The following RAPGEF5 variants were observed in gnomAD, a reference collection of about 807,000 sequenced individuals.
The protein encoded by RAPGEF5 is Rap guanine nucleotide exchange factor 5.
In RAPGEF5, 65 loss-of-function variants were observed where a neutral mutation model predicts 125.2. That is an observed-to-expected ratio of 0.52 (90% CI 0.43 to 0.64). The LOEUF (loss-of-function observed/expected upper bound fraction) is 0.64. Ranked by LOEUF, RAPGEF5 falls within the 30% of genes least tolerant of loss-of-function variation. The pLI is 0.00. For missense variants in RAPGEF5, 958 were observed against 1,048.1 expected (o/e 0.91, Z 1.19); for synonymous variants, 391 against 385.9 (o/e 1.01, Z -0.16).
chr7:22,154,367 C>T, intron 17 of RAPGEF5, 88 bp downstream of exon 17: 3 of 1,445,826 alleles, frequency 2.1e-6, no homozygotes, highest in Non-Finnish European at 1.9e-6. Flanking sequence ...AAGGGAGGAG[C>T]TGCACTTTTA....
At chr7:22,137,112 T>C in intron 21 of RAPGEF5, 129 bp from the exon 22 acceptor site, 1 of 678,516 alleles carries the variant, frequency 1.5e-6, no homozygotes, top group Non-Finnish European at 2.5e-6. Context: ...CTATCATCTG[T>C]TCAATCCTGA....
chr7:22,221,382 A>G (rs746636469), intron 8 of RAPGEF5, among the ~76,000 whole-genome samples: 6 of 152,208 alleles, frequency 3.9e-5, no homozygotes, highest in Non-Finnish European at 7.3e-5. Context: ...AGCAATGGAA[A>G]CTAGGCCTAT....
At chr7:22,157,742 T>G in intron 15 of RAPGEF5, 113 bp downstream of exon 15, 1 of 1,209,276 alleles carries the variant, frequency 8.3e-7, no homozygotes, top group Non-Finnish European at 1.2e-6. Flanking sequence ...CGCCCCGCCT[T>G]GTCGTGTTCT....
rs75603959 is a variant in RAPGEF5 at position 22,184,696 on chromosome 7, T to G, written c.1204+8671A>C. Among the ~76,000 whole-genome samples, 1,400 of 152,316 alleles carry G rather than the reference T, an allele frequency of 9.2e-3. 26 individuals are homozygous for G. The highest frequency in any genetic ancestry group is 0.032 in the African/African-American group (1,349 of 41,578). On this transcript the variant is annotated intron_variant, in intron 11 of 25. Transcript: ENST00000665637. ...ATGCTTCAGCTGGGTCTCACTTCAC[T>G]TCACCTTGCTTCATTAACAACAAGG... is the stretch of plus-strand genomic sequence containing the variant.
At chr7:22,179,988 C>T (rs564906308) in intron 11 of RAPGEF5, among the ~76,000 whole-genome samples, 1 of 152,262 alleles carries the variant, frequency 6.6e-6, no homozygotes, top group East Asian at 1.9e-4. Context: ...GCCATTCTTT[C>T]GTTTCTCTAC....
chr7:22,171,152 T>C (rs982331381), intron 11 of RAPGEF5, among the ~76,000 whole-genome samples: 1 of 152,158 alleles, frequency 6.6e-6, no homozygotes, highest in African/African-American at 2.4e-5. Flanking sequence ...AAAAAGAGGC[T>C]GTCCCATTGG....
At chr7:22,333,978 C>T (rs944631226) in intron 1 of RAPGEF5, among the ~76,000 whole-genome samples, 7 of 147,772 alleles carry the variant, frequency 4.7e-5, no homozygotes, top group African/African-American at 1.8e-4. Flanking sequence ...GAGTCGGCTG[C>T]GCCGTTGTGC....
intron 1 of RAPGEF5, 74 bp from the exon 2 acceptor site, chr7:22,318,111 A>C: frequency 1.4e-6 from 2 of 1,443,158 alleles, no homozygotes; most frequent in Non-Finnish European, 9.2e-7. Context: ...AACATAAGCA[A>C]CAGTGGCCAG....
In RAPGEF5 at chr7:22,119,664, C is replaced by T. The variant is rs1239409947; in HGVS notation, c.*2742G>A. On this transcript the variant is annotated 3_prime_UTR_variant, in exon 26 of 26. Transcript: ENST00000665637. The surrounding 1 kb of genome is among the most constrained non-coding windows in gnomAD (Gnocchi z 4.1). ...GAGTTGTGCTGTAACAAAAAGAGCCCACTTAGAAGTGCCCCTGCACCACCT... is the reference window on the plus strand; with the variant it reads ...GAGTTGTGCTGTAACAAAAAGAGCCTACTTAGAAGTGCCCCTGCACCACCT... The T allele has an allele frequency of 2.0e-5, 3 of 152,182 alleles. No homozygotes were observed. The highest frequency in any genetic ancestry group is 7.2e-5 in the African/African-American group (3 of 41,432). The allele number at this position is 152,182 out of a possible 1,614,324, so 9.4% of individuals were successfully genotyped here.
chr7:22,205,592 G>T (rs1264060395), intron 9 of RAPGEF5, among the ~76,000 whole-genome samples: 2 of 152,178 alleles, frequency 1.3e-5, no homozygotes, highest in African/African-American at 4.8e-5. Context: ...ACAAAAATCT[G>T]CATGTTTTAA....
At position 22,263,766 on chromosome 7, in the gene RAPGEF5, A is replaced by G. The variant is rs139219853; in HGVS notation, c.796+3198T>C. The stretch of plus-strand genomic sequence containing the variant: ...AAACAAAAAAAAAGAAAAAGAAAAA[A>G]GAAAAAAATAATTGGAAATAGCCAA... On this transcript the variant is annotated intron_variant, in intron 7 of 25. Coordinates refer to ENST00000665637, the MANE Select transcript of RAPGEF5 (RefSeq NM_012294.5). Among the ~76,000 whole-genome samples the G allele has an allele frequency of 3.3e-3, 503 of 151,944 alleles. 2 individuals carry two copies. The highest frequency in any genetic ancestry group is 0.012 in the South Asian group (58 of 4,816).
At chr7:22,165,099 A>G (rs1784120901) in intron 12 of RAPGEF5, among the ~76,000 whole-genome samples, 1 of 152,200 alleles carries the variant, frequency 6.6e-6, no homozygotes, top group African/African-American at 2.4e-5. Flanking sequence ...ACAATCATAA[A>G]GAAAGACTTC....
At position 22,219,930 on chromosome 7, in the gene RAPGEF5, T is replaced by C; in HGVS notation, c.932A>G (p.Lys311Arg). 6.2e-7 allele frequency: 1 copy of C among 1,613,690 alleles called. No individual in the cohort carries two copies. Among genetic ancestry groups the C allele is most frequent in the Non-Finnish European group, 8.5e-7 (1 of 1,179,672 alleles). ...DEIGRIELVQ[K>R]LAKENYQFLQ... ...AAACTGATAGTTTTCTTTTGCCAGCTTCTGGACTAGTTCAATTCGTCCGAT... is the reference window on the plus strand; with the variant it reads ...AAACTGATAGTTTTCTTTTGCCAGCCTCTGGACTAGTTCAATTCGTCCGAT... The change falls in exon 9 of 26, where the codon AAG becomes AGG. Residue 311 changes from lysine (K) to arginine (R), a missense_variant. Lys to Arg is a conservative substitution (Grantham distance 26). Coordinates refer to ENST00000665637, the MANE Select transcript of RAPGEF5 (RefSeq NM_012294.5).
intron 1 of RAPGEF5, among the ~76,000 whole-genome samples, chr7:22,328,931 C>G (rs948428555): frequency 6.6e-6 from 1 of 152,206 alleles, no homozygotes; most frequent in African/African-American, 2.4e-5. Flanking sequence ...CTCAAACTTA[C>G]TGGATGTATT....
At chr7:22,203,765 C>A (rs1309658013) in intron 9 of RAPGEF5, among the ~76,000 whole-genome samples, 1 of 152,196 alleles carries the variant, frequency 6.6e-6, no homozygotes, top group African/African-American at 2.4e-5. Flanking sequence ...CAGGGCTCCT[C>A]AGCAGTGCCT....
intron 24 of RAPGEF5, among the ~76,000 whole-genome samples, chr7:22,128,349 G>A (rs146225931): frequency 8.6e-4 from 131 of 152,314 alleles, no homozygotes; most frequent in African/African-American, 3.1e-3. Flanking sequence ...CCTGATGAGG[G>A]CTTCTGGATT....
At chr7:22,199,365 A>G (rs533508933) in intron 9 of RAPGEF5, among the ~76,000 whole-genome samples, 3 of 152,176 alleles carry the variant, frequency 2.0e-5, no homozygotes, top group South Asian at 4.2e-4. Flanking sequence ...GTGGGCACCT[A>G]TGTCTATGCA....
intron 1 of RAPGEF5, among the ~76,000 whole-genome samples, chr7:22,324,218 T>C (rs2128156333): frequency 6.6e-6 from 1 of 152,320 alleles, no homozygotes; most frequent in South Asian, 2.1e-4. Flanking sequence ...AATGCATACC[T>C]GAATATAATG....
intron 7 of RAPGEF5, among the ~76,000 whole-genome samples, chr7:22,250,370 T>C (rs1051282253): frequency 2.0e-5 from 3 of 152,224 alleles, no homozygotes; most frequent in South Asian, 2.1e-4. Flanking sequence ...GTGAAAAGAA[T>C]AGTATATAAA....
Sources: allele counts gnomAD v4.1 joint callset (sites outside exome capture counted in the v4.1 genomes callset), GRCh38; gene constraint gnomAD v4.1.1; non-coding constraint Gnocchi (gnomAD v3.1); transcripts MANE v1.5; gene names NCBI Gene and HGNC (gene_info 2026-07-23, HGNC 2026-07-21).